PTCHD4: variants seen among roughly 807,000 people sequenced by gnomAD.
PTCHD4 encodes the protein patched domain containing 4.
A neutral mutation model predicts 58.1 loss-of-function variants in PTCHD4; 33 were observed. The ratio of observed to expected loss-of-function variants is 0.57; its 90% CI spans 0.43 to 0.76. The LOEUF is 0.76. Ranked by LOEUF, PTCHD4 falls within the 30% of genes least tolerant of loss-of-function variation. PTCHD4 has a pLI of 0.00. For synonymous variants in PTCHD4, 478 were observed against 409.6 expected, an observed-to-expected ratio of 1.17 and a Z score of -2.02; for missense variants, 1,058 against 1,027.1, an observed-to-expected ratio of 1.03 and a Z score of -0.41.
At chr6:48,095,732 CA>C (rs112185985) in intron 1 of PTCHD4, among the ~76,000 whole-genome samples, 11,862 of 124,904 alleles carry the variant, frequency 0.095, 513 homozygotes, top group South Asian at 0.12. Context: ...CAAAAGGAAC[CA>C]AAAAAAAAAA....
chr6:48,035,702 C>G (rs1763607855), intron 3 of PTCHD4, among the ~76,000 whole-genome samples: 1 of 152,118 alleles, frequency 6.6e-6, no homozygotes, highest in Non-Finnish European at 1.5e-5. Flanking sequence ...TATCTGATCA[C>G]TTTCAATATC....
chr6:48,064,242 C>T (rs1400141857), intron 3 of PTCHD4, among the ~76,000 whole-genome samples: 1 of 152,090 alleles, frequency 6.6e-6, no homozygotes, highest in Non-Finnish European at 1.5e-5. Context: ...TTACCTGTGT[C>T]TTTACTGCAG....
At position 47,878,835 on chromosome 6, in the gene PTCHD4, A is replaced by G. The variant is rs768759902; in HGVS notation, c.2000T>C (p.Leu667Pro). 1.1e-5 allele frequency: 17 copies of G among 1,613,744 alleles called. No homozygotes were observed. In the East Asian group the frequency reaches 3.6e-4, roughly 34 times the overall value. The change falls in exon 5 of 5, where the codon CTG becomes CCG. Residue 667 changes from leucine (L) to proline (P), a missense_variant. Coordinates refer to ENST00000339488, the MANE Select transcript of PTCHD4 (RefSeq NM_001384253.1). Reference protein sequence around the residue: ...PVLIAGFGVLLVLILTFFLVI... With the variant: ...PVLIAGFGVLPVLILTFFLVI... Reference sequence around the variant, plus strand: ...TAGGAAAAAAGTCAGGATTAACACCAGGAGAACACCAAAGCCTGCAATCAG... The same window carrying G: ...TAGGAAAAAAGTCAGGATTAACACCGGGAGAACACCAAAGCCTGCAATCAG...
chr6:48,093,304 A>G (rs1022117474), intron 1 of PTCHD4, among the ~76,000 whole-genome samples: 1 of 152,170 alleles, frequency 6.6e-6, no homozygotes, highest in Admixed American at 6.5e-5. Context: ...TGACTTGCCC[A>G]AGCAGTTCTC....
chr6:47,968,410 TAAC>T (rs1248962709), intron 4 of PTCHD4, among the ~76,000 whole-genome samples: 3 of 152,192 alleles, frequency 2.0e-5, no homozygotes, highest in Admixed American at 6.5e-5. Context: ...GTGCGAGAAT[TAAC>T]AAATTATAAC....
chr6:48,009,690 C>T (rs1386528696), intron 3 of PTCHD4, among the ~76,000 whole-genome samples: 1 of 152,138 alleles, frequency 6.6e-6, no homozygotes, highest in Non-Finnish European at 1.5e-5. Flanking sequence ...TTGTTTCTTA[C>T]AACTAATTTA....
At chr6:47,974,235 C>A (rs1425037710) in intron 4 of PTCHD4, among the ~76,000 whole-genome samples, 1 of 152,190 alleles carries the variant, frequency 6.6e-6, no homozygotes, top group Admixed American at 6.5e-5. Context: ...TATTTCATCT[C>A]ATTTTAGCAG....
intron 3 of PTCHD4, among the ~76,000 whole-genome samples, chr6:48,045,421 C>T (rs1360479834): frequency 6.6e-6 from 1 of 151,802 alleles, no homozygotes; most frequent in Non-Finnish European, 1.5e-5. Flanking sequence ...AGCAATGCCT[C>T]TACCCACAAA....
At chr6:48,110,103 T>C (rs1257550339) in intron 1 of PTCHD4, among the ~76,000 whole-genome samples, 1 of 152,164 alleles carries the variant, frequency 6.6e-6, no homozygotes, top group Non-Finnish European at 1.5e-5. Flanking sequence ...ATTCCACCAC[T>C]GAGTATGTTT....
intron 4 of PTCHD4, among the ~76,000 whole-genome samples, chr6:47,932,115 T>C (rs920874843): frequency 6.6e-6 from 1 of 152,234 alleles, no homozygotes; most frequent in African/African-American, 2.4e-5. Context: ...TTAGCTTGCA[T>C]TCTCTGCTCT....
intron 4 of PTCHD4, among the ~76,000 whole-genome samples, chr6:47,918,069 C>A (rs965427689): frequency 1.3e-5 from 2 of 152,044 alleles, no homozygotes; most frequent in African/African-American, 4.8e-5. Context: ...CTATCTTAGA[C>A]TCAACACAGA....
At chr6:48,066,854 A>G (rs565479430) in intron 3 of PTCHD4, among the ~76,000 whole-genome samples, 64 of 152,054 alleles carry the variant, frequency 4.2e-4, no homozygotes, top group African/African-American at 1.5e-3. Context: ...CTAGTTTCTA[A>G]GTGCATTAAA....
At chr6:47,939,366 C>T (rs1313775875) in intron 4 of PTCHD4, among the ~76,000 whole-genome samples, 1 of 151,304 alleles carries the variant, frequency 6.6e-6, no homozygotes, top group East Asian at 1.9e-4. Flanking sequence ...GAAAACATGG[C>T]CTACAGGTAC....
chr6:47,856,933 A>G lies in PTCHD4; in HGVS notation c.*21370T>C, dbSNP rs956986884. Among the ~76,000 whole-genome samples, 2 of 152,082 alleles carry G rather than the reference A, an allele frequency of 1.3e-5. No individual in the cohort carries two copies. Among genetic ancestry groups the G allele is most frequent in the Admixed American group, 1.3e-4 (2 of 15,240 alleles). ...GCTTTTCATAATGGGAAGGGACAATATTCATATTTAAATAATGATATTAAT... is the reference window on the plus strand; with the variant it reads ...GCTTTTCATAATGGGAAGGGACAATGTTCATATTTAAATAATGATATTAAT... On this transcript the variant is annotated 3_prime_UTR_variant, in exon 5 of 5. Coordinates refer to ENST00000339488, the MANE Select transcript of PTCHD4 (RefSeq NM_001384253.1).
Position 47,862,188 on chromosome 6 carries a change from G to T in PTCHD4, c.*16115C>A, listed in dbSNP as rs1186909496. 1.3e-5 allele frequency among the ~76,000 whole-genome samples: 2 copies of T among 151,516 alleles called. No individual in the cohort carries two copies. The highest frequency in any genetic ancestry group is 2.4e-5 in the African/African-American group (1 of 41,326). On this transcript the variant is annotated 3_prime_UTR_variant, in exon 5 of 5. Coordinates refer to ENST00000339488, the MANE Select transcript of PTCHD4 (RefSeq NM_001384253.1). ...AAGTTGGCCTTTAGGAGGCCTGATG[G>T]ATTTTTAATGAATTATCGGTTTTGC...
intron 3 of PTCHD4, among the ~76,000 whole-genome samples, chr6:48,019,437 T>TA (rs778277586): frequency 2.6e-5 from 4 of 151,982 alleles, no homozygotes; most frequent in African/African-American, 7.2e-5. Flanking sequence ...GCAGGCATTT[T>TA]AAAAAAATAT....
At chr6:48,091,751 G>A (rs1381349617) in intron 1 of PTCHD4, among the ~76,000 whole-genome samples, 1 of 151,802 alleles carries the variant, frequency 6.6e-6, no homozygotes, top group South Asian at 2.1e-4. Context: ...GTTCAAGTGA[G>A]TCTCCTGCCT....
intron 4 of PTCHD4, among the ~76,000 whole-genome samples, chr6:48,003,189 G>A (rs1219107510): frequency 6.6e-6 from 1 of 151,930 alleles, no homozygotes; most frequent in African/African-American, 2.4e-5. Flanking sequence ...TGGATTCTAT[G>A]GTTTTCAATA....
intron 3 of PTCHD4, among the ~76,000 whole-genome samples, chr6:48,060,994 C>G (rs1764607675): frequency 6.6e-6 from 1 of 152,210 alleles, no homozygotes. Context: ...AGAGGCTCTT[C>G]CATAATAATC....
Sources: gnomAD v4.1 joint callset for allele counts (sites outside exome capture counted in the v4.1 genomes callset) on GRCh38, gnomAD v4.1.1 for gene constraint, MANE v1.5 for transcripts, NCBI Gene and HGNC (gene_info 2026-07-23, HGNC 2026-07-21) for gene names.